ADAMTS2: variants seen among roughly 807,000 people sequenced by gnomAD.
The protein encoded by ADAMTS2 is A disintegrin and metalloproteinase with thrombospondin motifs 2.
Under a neutral mutation model 123.0 loss-of-function variants are expected in ADAMTS2, and 50 were observed. That is an observed-to-expected ratio of 0.41 (90% CI 0.32 to 0.51). ADAMTS2 has a LOEUF of 0.51. Ranked by LOEUF, ADAMTS2 falls within the 20% of genes least tolerant of loss-of-function variation. The pLI, the probability that ADAMTS2 is intolerant of heterozygous loss-of-function variation, is 0.35. For missense variants in ADAMTS2, 1,494 were observed against 1,705.2 expected (o/e 0.88, Z 2.18); for synonymous variants, 678 against 695.4 (o/e 0.98, Z 0.39).
At chr5:179,208,127 T>A (rs1287055576) in intron 3 of ADAMTS2, among the ~76,000 whole-genome samples, 1 of 135,238 alleles carries the variant, frequency 7.4e-6, no homozygotes, top group Non-Finnish European at 1.7e-5. Context: ...TGCCTGACGC[T>A]GGAGTGGGCA....
intron 2 of ADAMTS2, among the ~76,000 whole-genome samples, chr5:179,321,376 T>C (rs1402177644): frequency 6.6e-6 from 1 of 152,108 alleles, no homozygotes; most frequent in African/African-American, 2.4e-5. Flanking sequence ...CTCCCTTGCC[T>C]CTCACTGGCC....
chr5:179,122,743 C>T lies in ADAMTS2; in HGVS notation c.2989G>A (p.Glu997Lys), dbSNP rs1210944308. 2 of 1,554,064 alleles carry T rather than the reference C, an allele frequency of 1.3e-6. No individual in the cohort carries two copies. The highest frequency in any genetic ancestry group is 4.9e-5 in the East Asian group (2 of 41,162). Residue 997 changes from glutamate (E) to lysine (K), a missense_variant, in exon 20 of 22, where the codon GAG (glutamate) becomes AAG (lysine). Physicochemically the swap from Glu to Lys is moderately conservative, Grantham distance 56. Around this residue, in one of 6 missense-constraint regions of ADAMTS2, gnomAD observed 953 missense variants for 1,124.7 expected, o/e 0.85. Transcript: ENST00000251582. ...GCGGTGCGGCAGAGCACTGGCCGCT[C>T]CTGGGTGCCGTTGCCACAGGTTACT... Reference protein sequence around the residue: ...CSVTCGNGTQERPVLCRTADD... With the variant: ...CSVTCGNGTQKRPVLCRTADD...
chr5:179,314,771 A>G lies in ADAMTS2; in HGVS notation c.534+28996T>C, dbSNP rs1255773029. 6.6e-6 allele frequency among the ~76,000 whole-genome samples: 1 copy of G among 151,904 alleles called. No individual in the cohort carries two copies. The highest frequency in any genetic ancestry group is 1.5e-5 in the Non-Finnish European group (1 of 67,944). ...CTCCTGTCCCCCGCCAGTGCCCCCA[A>G]CCTCTACTCCAGCAGACCTCCACCT... On this transcript the variant is annotated intron_variant, in intron 2 of 21. Transcript: ENST00000251582. This position sits in a 1 kb window ranked among gnomAD's most constrained non-coding sequence, Gnocchi z 4.5.
At chr5:179,297,269 G>A (rs897349099) in intron 2 of ADAMTS2, among the ~76,000 whole-genome samples, 1 of 152,122 alleles carries the variant, frequency 6.6e-6, no homozygotes, top group Admixed American at 6.5e-5. Context: ...ACTTACAACC[G>A]AAAGCAAATG....
intron 2 of ADAMTS2, among the ~76,000 whole-genome samples, chr5:179,298,914 C>T (rs1414764220): frequency 6.6e-6 from 1 of 152,152 alleles, no homozygotes; most frequent in African/African-American, 2.4e-5. Context: ...CTCTAAATAG[C>T]TCTTAAGTTA....
At chr5:179,224,479 C>T (rs1170910029) in intron 3 of ADAMTS2, among the ~76,000 whole-genome samples, 1 of 152,220 alleles carries the variant, frequency 6.6e-6, no homozygotes, top group East Asian at 1.9e-4. Context: ...TCTGCATTTC[C>T]AGAAAGAAAT....
intron 10 of ADAMTS2, among the ~76,000 whole-genome samples, chr5:179,146,887 T>A (rs973866091): frequency 6.6e-6 from 1 of 152,198 alleles, no homozygotes; most frequent in East Asian, 1.9e-4. Context: ...CAAATCACAG[T>A]CTGTCATTTC....
At chr5:179,150,532 G>A (rs1199805835) in intron 10 of ADAMTS2, among the ~76,000 whole-genome samples, 4 of 152,162 alleles carry the variant, frequency 2.6e-5, no homozygotes, top group Admixed American at 1.3e-4. Flanking sequence ...ATGTCCCTCC[G>A]TGGAGAAACG....
At chr5:179,249,721 A>T (rs1267204178) in intron 3 of ADAMTS2, among the ~76,000 whole-genome samples, 2 of 152,238 alleles carry the variant, frequency 1.3e-5, no homozygotes, top group Non-Finnish European at 2.9e-5. Flanking sequence ...AAATTTGTAC[A>T]GATCTATAAC....
intron 3 of ADAMTS2, among the ~76,000 whole-genome samples, chr5:179,235,626 C>T (rs982350743): frequency 5.3e-5 from 8 of 152,310 alleles, no homozygotes; most frequent in African/African-American, 1.7e-4. Context: ...GCAGGGCCAA[C>T]GAAAGTGCTG....
chr5:179,338,531 C>T (rs1193144556), intron 2 of ADAMTS2, among the ~76,000 whole-genome samples: 1 of 152,174 alleles, frequency 6.6e-6, no homozygotes, highest in Non-Finnish European at 1.5e-5. Context: ...GCCCCACCCT[C>T]CCAGGGGCAC....
At chr5:179,214,809 A>ATCAAATAATTGTTAAAATTATTCTCCG (rs1554130937) in intron 3 of ADAMTS2, among the ~76,000 whole-genome samples, 5 of 151,078 alleles carry the variant, frequency 3.3e-5, no homozygotes, top group African/African-American at 1.2e-4. Context: ...CATAATCTCC[A>ATCAAATAATTGTTAAAATTATTCTCCG]TCAAATAATT....
intron 15 of ADAMTS2, among the ~76,000 whole-genome samples, chr5:179,131,638 T>A (rs1271496970): frequency 4.6e-5 from 7 of 151,788 alleles, no homozygotes; most frequent in African/African-American, 1.7e-4. Flanking sequence ...GGTGGACAGG[T>A]CCTGAGAGCC....
At chr5:179,134,000 C>A (rs1016382572) in intron 13 of ADAMTS2, among the ~76,000 whole-genome samples, 4 of 152,118 alleles carry the variant, frequency 2.6e-5, no homozygotes, top group Admixed American at 6.5e-5. Flanking sequence ...GCGTGAGCCA[C>A]CACGCCCAGC....
In ADAMTS2 at chr5:179,285,743, G is replaced by A. The variant is rs956592414; in HGVS notation, c.535-12679C>T. Among the ~76,000 whole-genome samples the A allele has an allele frequency of 1.3e-5, 2 of 152,298 alleles. No homozygotes were observed. The highest frequency in any genetic ancestry group is 2.4e-5 in the African/African-American group (1 of 41,570). ...TTAACATTCACATAAATAACAGGGC[G>A]CTCTCTACTAAAGAAGAAAAATGAC... On this transcript the variant is annotated intron_variant, in intron 2 of 21. Transcript: ENST00000251582. This position sits in a 1 kb window ranked among gnomAD's most constrained non-coding sequence, Gnocchi z 4.9.
Position 179,154,922 on chromosome 5 carries a change from G to A in ADAMTS2, c.1133-3C>T. On this transcript the variant is annotated splice_polypyrimidine_tract_variant and splice_region_variant and intron_variant, in intron 6 of 21. Coordinates refer to ENST00000251582, the MANE Select transcript of ADAMTS2 (RefSeq NM_014244.5). ...CATGCCGGTGACAGGAGCATAGCCT[G>A]GGAGGAGACAAGAGGCGGCTCCAGA... 1 of 1,612,446 alleles carries A rather than the reference G, an allele frequency of 6.2e-7. No individual in the cohort carries two copies. Among genetic ancestry groups the A allele is most frequent in the Non-Finnish European group, 8.5e-7 (1 of 1,179,524 alleles).
intron 13 of ADAMTS2, among the ~76,000 whole-genome samples, 158 bp downstream of exon 13, chr5:179,135,751 G>A (rs1763055477): frequency 6.6e-6 from 1 of 152,186 alleles, no homozygotes; most frequent in Admixed American, 6.5e-5. Context: ...GGGGTAAACA[G>A]ACATTTGCCA....
chr5:179,271,279 C>A (rs954134537), intron 3 of ADAMTS2, among the ~76,000 whole-genome samples: 2 of 152,178 alleles, frequency 1.3e-5, no homozygotes, highest in Non-Finnish European at 2.9e-5. Context: ...CATATGGAAT[C>A]TGGGATCAGA....
At chr5:179,281,109 C>T (rs986744817) in intron 2 of ADAMTS2, among the ~76,000 whole-genome samples, 3 of 152,218 alleles carry the variant, frequency 2.0e-5, no homozygotes, top group Non-Finnish European at 4.4e-5. Flanking sequence ...CCACCTGCCT[C>T]GGCCTCACAA....
Sources: allele counts gnomAD v4.1 joint callset (sites outside exome capture counted in the v4.1 genomes callset), GRCh38; gene constraint gnomAD v4.1.1; regional missense constraint gnomAD v4.1.1; non-coding constraint Gnocchi (gnomAD v3.1); transcripts MANE v1.5; gene names NCBI Gene and HGNC (gene_info 2026-07-23, HGNC 2026-07-21).